KIAA1217: variants seen among roughly 807,000 people sequenced by gnomAD.
KIAA1217 encodes the protein KIAA1217, also known as sickle tail protein homolog.
KIAA1217 carries 88 observed loss-of-function variants against 163.9 expected under a neutral mutation model. The observed-to-expected ratio is 0.54, with a 90% CI of 0.45 to 0.64. KIAA1217 has a LOEUF of 0.64. Among genes scored for constraint, KIAA1217 ranks in the 30% least tolerant of loss-of-function variants. The probability of loss-of-function intolerance (pLI) is 0.00; values close to 1 mark genes in which losing one functional copy is unlikely to be tolerated. For synonymous variants in KIAA1217, 903 were observed against 923.1 expected (o/e 0.98, Z 0.39); for missense variants, 2,372 against 2,475.0 (o/e 0.96, Z 0.88).
intron 2 of KIAA1217, among the ~76,000 whole-genome samples, chr10:24,224,294 T>A (rs2070138571): frequency 6.6e-6 from 1 of 152,174 alleles, no homozygotes; most frequent in Non-Finnish European, 1.5e-5. Flanking sequence ...CACAATATGC[T>A]AATTCTATGA....
chr10:23,835,421 T>C lies in KIAA1217; in HGVS notation c.-321+140187T>C, dbSNP rs182906168. On this transcript the variant is annotated intron_variant, in intron 1 of 18. Transcript: ENST00000376462. Reference sequence around the variant, plus strand: ...CCCTCCTCAATCTTTGAGGCATATTTATTCCCAGGAGATAACCCCTCCACC... The same window carrying C: ...CCCTCCTCAATCTTTGAGGCATATTCATTCCCAGGAGATAACCCCTCCACC... Among the ~76,000 whole-genome samples, 133 of 152,242 alleles carry C rather than the reference T, an allele frequency of 8.7e-4. 1 individual carries two copies. The South Asian group carries it at 0.027, about 31-fold the overall frequency.
At chr10:24,499,593 GT>G (rs2067253286) in intron 8 of KIAA1217, among the ~76,000 whole-genome samples, 1 of 152,164 alleles carries the variant, frequency 6.6e-6, no homozygotes, top group African/African-American at 2.4e-5. Context: ...TTAACTGGGT[GT>G]TGTGGTGTGC....
upstream of KIAA1217, among the ~76,000 whole-genome samples, chr10:24,208,121 CTTT>C (rs796178842): frequency 1.5e-5 from 2 of 135,368 alleles, no homozygotes; most frequent in Non-Finnish European, 1.6e-5. Flanking sequence ...TTCCCATCCT[CTTT>C]TTTTTTTTTT....
intron 2 of KIAA1217, among the ~76,000 whole-genome samples, chr10:24,065,013 C>G (rs1244212068): frequency 6.6e-6 from 1 of 152,108 alleles, no homozygotes; most frequent in Non-Finnish European, 1.5e-5. Flanking sequence ...TTTATTGCGT[C>G]TATTTGATTC....
At chr10:24,141,575 G>A (rs1030806182) in intron 2 of KIAA1217, among the ~76,000 whole-genome samples, 3 of 152,178 alleles carry the variant, frequency 2.0e-5, no homozygotes, top group African/African-American at 4.8e-5. Flanking sequence ...AATTGTGTGT[G>A]CTTTGTTCTG....
intron 1 of KIAA1217, among the ~76,000 whole-genome samples, chr10:23,964,039 G>A (rs757877621): frequency 1.1e-4 from 17 of 151,670 alleles, no homozygotes; most frequent in African/African-American, 2.4e-4. Context: ...GACTGCAGGC[G>A]TGCACCACCA....
intron 2 of KIAA1217, among the ~76,000 whole-genome samples, chr10:24,146,630 C>A (rs1156427550): frequency 6.6e-6 from 1 of 151,786 alleles, no homozygotes; most frequent in African/African-American, 2.4e-5. Flanking sequence ...CTGCAGTGAG[C>A]GGTGGTTGCA....
intron 17 of KIAA1217, among the ~76,000 whole-genome samples, chr10:24,538,210 C>T (rs549497343): frequency 7.8e-4 from 118 of 152,202 alleles, no homozygotes; most frequent in African/African-American, 2.5e-3. Context: ...TTTGGGCTCC[C>T]AGCTCCCAGC....
chr10:24,099,696 C>T (rs930082102), intron 2 of KIAA1217, among the ~76,000 whole-genome samples: 3 of 149,884 alleles, frequency 2.0e-5, no homozygotes, highest in Admixed American at 6.7e-5. Flanking sequence ...CCCATTAACT[C>T]GTCATTTACA....
chr10:23,912,564 A>G (rs1400848825), intron 1 of KIAA1217, among the ~76,000 whole-genome samples: 1 of 152,044 alleles, frequency 6.6e-6, no homozygotes, highest in Non-Finnish European at 1.5e-5. Context: ...GCTCCCACTT[A>G]CAAGTAAGAA....
At chr10:23,968,048 C>G (rs756237459) in intron 1 of KIAA1217, among the ~76,000 whole-genome samples, 86 of 151,584 alleles carry the variant, frequency 5.7e-4, no homozygotes, top group Non-Finnish European at 9.6e-4. Context: ...CTGCAACTAT[C>G]AACCCGAATT....
chr10:23,975,164 AC>A (rs1055903690), intron 1 of KIAA1217, among the ~76,000 whole-genome samples: 5 of 152,176 alleles, frequency 3.3e-5, no homozygotes, highest in African/African-American at 1.2e-4. Flanking sequence ...ATTTAGAAAC[AC>A]CATGGAAGTC....
intron 5 of KIAA1217, among the ~76,000 whole-genome samples, chr10:24,465,171 G>A (rs1267279558): frequency 6.8e-6 from 1 of 147,948 alleles, no homozygotes; most frequent in Non-Finnish European, 1.5e-5. Flanking sequence ...ATACTCTGGT[G>A]AGAAATAACA....
chr10:24,045,248 T>C (rs1170667790), intron 2 of KIAA1217, among the ~76,000 whole-genome samples: 1 of 151,520 alleles, frequency 6.6e-6, no homozygotes, highest in Non-Finnish European at 1.5e-5. Context: ...GTGATTTTTT[T>C]CTCTCTCTCT....
Position 24,444,566 on chromosome 10 carries a change from A to C in KIAA1217, c.846+6087A>C, listed in dbSNP as rs1481572913. 2.0e-5 allele frequency among the ~76,000 whole-genome samples: 3 copies of C among 152,188 alleles called. No homozygotes were observed. The East Asian group carries it at 5.8e-4, about 29-fold the overall frequency. The stretch of plus-strand genomic sequence containing the variant: ...CGTCCCTCCAAAAACCAGTCATGGC[A>C]TCTTAACCCCTGGTGAGTGCAGAGT... On this transcript the variant is annotated intron_variant, in intron 5 of 20. Transcript: ENST00000376454.
chr10:24,494,348 G>A, intron 6 of KIAA1217, 152 bp from the exon 7 acceptor site: 1 of 645,936 alleles, frequency 1.5e-6, no homozygotes, highest in South Asian at 1.8e-5. Context: ...CTGAGCTAAG[G>A]ATGTGCGGCT....
At chr10:24,109,848 A>G (rs1355502436) in intron 2 of KIAA1217, among the ~76,000 whole-genome samples, 2 of 152,200 alleles carry the variant, frequency 1.3e-5, no homozygotes, top group East Asian at 3.8e-4. Flanking sequence ...ATTCTATTAG[A>G]TTGTTATTGA....
chr10:24,206,141 A>T (rs1159665279), upstream of KIAA1217, among the ~76,000 whole-genome samples: 1 of 152,216 alleles, frequency 6.6e-6, no homozygotes, highest in Non-Finnish European at 1.5e-5. Flanking sequence ...ACAGAAACGG[A>T]GTTGAAAACT....
intron 2 of KIAA1217, among the ~76,000 whole-genome samples, chr10:24,161,402 T>C (rs555236607): frequency 1.3e-5 from 2 of 152,280 alleles, no homozygotes; most frequent in Non-Finnish European, 2.9e-5. Flanking sequence ...ATGTCATCAT[T>C]AGTCTTGCCT....
Sources: gnomAD v4.1 joint callset for allele counts (sites outside exome capture counted in the v4.1 genomes callset) on GRCh38, gnomAD v4.1.1 for gene constraint, MANE v1.5 for transcripts, NCBI Gene and HGNC (gene_info 2026-07-23, HGNC 2026-07-21) for gene names.